BNC2: variants seen among roughly 807,000 people sequenced by gnomAD.
BNC2 encodes zinc finger protein basonuclin-2.
A neutral mutation model predicts 76.3 loss-of-function variants in BNC2; 20 were observed. That is an observed-to-expected ratio of 0.26 (90% CI 0.18 to 0.38). The LOEUF is 0.38. Ranked by LOEUF, BNC2 falls within the 10% of genes least tolerant of loss-of-function variation. The pLI, the probability that BNC2 is intolerant of heterozygous loss-of-function variation, is 1.00. For missense variants in BNC2, 1,382 were observed against 1,399.8 expected (o/e 0.99, Z 0.20); for synonymous variants, 582 against 514.8 (o/e 1.13, Z -1.77).
intron 5 of BNC2, among the ~76,000 whole-genome samples, chr9:16,543,441 C>T (rs1818384521): frequency 6.6e-6 from 1 of 152,144 alleles, no homozygotes; most frequent in Non-Finnish European, 1.5e-5. Context: ...ATGTCCATTT[C>T]AAGTAAATCT....
intron 5 of BNC2, among the ~76,000 whole-genome samples, chr9:16,488,104 G>A (rs1232918142): frequency 1.3e-5 from 2 of 152,076 alleles, no homozygotes; most frequent in African/African-American, 4.8e-5. Flanking sequence ...AAAAGGCACC[G>A]TTTCCCCTCG....
At chr9:16,493,324 C>T (rs978731954) in intron 5 of BNC2, among the ~76,000 whole-genome samples, 2 of 152,104 alleles carry the variant, frequency 1.3e-5, no homozygotes, top group African/African-American at 4.8e-5. Flanking sequence ...GGCCAACAAC[C>T]TGAAGTTAGA....
intron 1 of BNC2, among the ~76,000 whole-genome samples, chr9:16,813,390 C>T (rs918644783): frequency 6.6e-6 from 1 of 151,476 alleles, no homozygotes; most frequent in Admixed American, 6.6e-5. Flanking sequence ...CTCAGCCTCC[C>T]GAGTAGCTGG....
intron 3 of BNC2, among the ~76,000 whole-genome samples, chr9:16,710,061 A>G (rs1563909953): frequency 1.3e-5 from 2 of 152,154 alleles, no homozygotes; most frequent in Admixed American, 1.3e-4. Flanking sequence ...AGACATTCAT[A>G]TGTAAATGAA....
chr9:16,515,774 T>G (rs555430658), intron 5 of BNC2, among the ~76,000 whole-genome samples: 1 of 150,934 alleles, frequency 6.6e-6, no homozygotes, highest in East Asian at 1.9e-4. Context: ...CTTGACATTC[T>G]CAAATCATAA....
intron 4 of BNC2, among the ~76,000 whole-genome samples, chr9:16,560,104 G>C (rs192481349): frequency 7.2e-5 from 11 of 152,308 alleles, no homozygotes; most frequent in African/African-American, 2.2e-4. Flanking sequence ...TGTTGAAACA[G>C]ACTGCTGGGC....
At chr9:16,754,190 A>T in intron 1 of BNC2, among the ~76,000 whole-genome samples, 1 of 152,228 alleles carries the variant, frequency 6.6e-6, no homozygotes, top group East Asian at 1.9e-4. Flanking sequence ...TGTCCAAGGC[A>T]TCACTGCCTA....
chr9:16,848,999 G>C (rs1176529484), intron 1 of BNC2, among the ~76,000 whole-genome samples: 1 of 152,122 alleles, frequency 6.6e-6, no homozygotes, highest in Non-Finnish European at 1.5e-5. Context: ...ACCCCATTAT[G>C]TAAATGTAAA....
rs557182562 is a variant in BNC2 at position 16,708,616 on chromosome 9, T to C, written c.330+19181A>G. 3.3e-5 allele frequency among the ~76,000 whole-genome samples: 5 copies of C among 150,732 alleles called. No homozygotes were observed. The South Asian group carries it at 6.3e-4, about 19-fold the overall frequency. ...GAGATGGTGTGGGAGGAAAACCAGA[T>C]TGAGACAAAAGCAAGCCACAGGAAG... On this transcript the variant is annotated intron_variant, in intron 3 of 6. Transcript: ENST00000380672.
At chr9:16,845,850 A>G (rs941724042) in intron 1 of BNC2, among the ~76,000 whole-genome samples, 3 of 151,334 alleles carry the variant, frequency 2.0e-5, no homozygotes. Context: ...TGCAGAATTT[A>G]TAAAAACTAA....
intron 5 of BNC2, among the ~76,000 whole-genome samples, chr9:16,496,002 G>T (rs1249376298): frequency 4.0e-5 from 6 of 150,984 alleles, no homozygotes; most frequent in Non-Finnish European, 8.8e-5. Context: ...TCCACCTCCT[G>T]GGTTCAAGTG....
intron 3 of BNC2, among the ~76,000 whole-genome samples, chr9:16,621,451 G>T (rs1218993697): frequency 6.6e-6 from 1 of 152,164 alleles, no homozygotes; most frequent in Non-Finnish European, 1.5e-5. Flanking sequence ...ATATTTACTT[G>T]AAGTATTACT....
intron 1 of BNC2, among the ~76,000 whole-genome samples, chr9:16,794,952 A>C (rs1817605415): frequency 6.6e-6 from 1 of 152,106 alleles, no homozygotes; most frequent in South Asian, 2.1e-4. Flanking sequence ...TTTAGTGATA[A>C]GTTCATGATA....
chr9:16,853,976 C>T (rs1819192206), intron 1 of BNC2, among the ~76,000 whole-genome samples: 1 of 152,162 alleles, frequency 6.6e-6, no homozygotes, highest in African/African-American at 2.4e-5. Context: ...ACTTACATGT[C>T]GCCTGAACTT....
chr9:16,667,932 T>A (rs146753984), intron 3 of BNC2, among the ~76,000 whole-genome samples: 3 of 152,300 alleles, frequency 2.0e-5, no homozygotes, highest in Non-Finnish European at 4.4e-5. Flanking sequence ...ATCCCCTTTT[T>A]AAATTCTTCC....
chr9:16,478,125 C>T (rs987467279), intron 5 of BNC2, among the ~76,000 whole-genome samples: 8 of 152,256 alleles, frequency 5.3e-5, no homozygotes, highest in African/African-American at 1.9e-4. Flanking sequence ...TCTTTCCTTC[C>T]ACTGGGCTGA....
chr9:16,627,019 C>A (rs1337516619), intron 3 of BNC2, among the ~76,000 whole-genome samples: 1 of 152,182 alleles, frequency 6.6e-6, no homozygotes, highest in African/African-American at 2.4e-5. Flanking sequence ...GGAACAGATG[C>A]ACCTTTTTAC....
intron 3 of BNC2, among the ~76,000 whole-genome samples, chr9:16,649,876 C>A (rs575060639): frequency 6.6e-6 from 1 of 152,198 alleles, no homozygotes; most frequent in South Asian, 2.1e-4. Flanking sequence ...TCAGAGGTAC[C>A]CCAAAGAACA....
chr9:16,597,853 A>G (rs2133256730), intron 3 of BNC2, among the ~76,000 whole-genome samples: 1 of 152,202 alleles, frequency 6.6e-6, no homozygotes, highest in South Asian at 2.1e-4. Context: ...TCGTATAAAG[A>G]TGATATTCTT....
Sources: allele counts gnomAD v4.1 joint callset (sites outside exome capture counted in the v4.1 genomes callset), GRCh38; gene constraint gnomAD v4.1.1; transcripts MANE v1.5; gene names NCBI Gene and HGNC (gene_info 2026-07-23, HGNC 2026-07-21).